The following PDE8B variants were observed in gnomAD, a reference collection of about 807,000 sequenced individuals.
PDE8B encodes the protein phosphodiesterase 8B.
A neutral mutation model predicts 101.3 loss-of-function variants in PDE8B; 26 were observed. The observed-to-expected ratio is 0.26, with a 90% CI of 0.19 to 0.36. The LOEUF is 0.36. PDE8B is among the 10% of genes least tolerant of loss of function. PDE8B has a pLI of 1.00. For missense variants in PDE8B, 810 were observed against 1,163.1 expected, an observed-to-expected ratio of 0.70 and a Z score of 4.42; for synonymous variants, 424 against 429.3, an observed-to-expected ratio of 0.99 and a Z score of 0.15.
chr5:77,178,505 T>C, the PDE8B span, among the ~76,000 whole-genome samples: 54 of 152,340 alleles, frequency 3.5e-4, no homozygotes, highest in Non-Finnish European at 6.0e-4. Context: ...TGTGAAATAA[T>C]GATAGATCAT....
At chr5:77,244,500 C>T (rs1458306645) in intron 1 of PDE8B, among the ~76,000 whole-genome samples, 1 of 151,742 alleles carries the variant, frequency 6.6e-6, no homozygotes, top group Non-Finnish European at 1.5e-5. Flanking sequence ...GCCATAGAGG[C>T]AAGCTTCTTA....
the PDE8B span, among the ~76,000 whole-genome samples, chr5:77,130,748 G>T: frequency 6.6e-6 from 1 of 152,214 alleles, no homozygotes; most frequent in Non-Finnish European, 1.5e-5. Flanking sequence ...TTTTACATGA[G>T]TTGGGTTACG....
chr5:77,287,978 C>A (rs1766409730), intron 1 of PDE8B, among the ~76,000 whole-genome samples: 1 of 152,058 alleles, frequency 6.6e-6, no homozygotes, highest in Non-Finnish European at 1.5e-5. Flanking sequence ...TCCCTTATAA[C>A]TGCTTATTTC....
At chr5:77,192,410 A>G in the PDE8B span, among the ~76,000 whole-genome samples, 2 of 152,050 alleles carry the variant, frequency 1.3e-5, no homozygotes, top group African/African-American at 4.8e-5. Flanking sequence ...TTAGAGTTTC[A>G]TGTCAATAAG....
chr5:77,246,445 G>A (rs1482686865), intron 1 of PDE8B, among the ~76,000 whole-genome samples: 3 of 152,152 alleles, frequency 2.0e-5, no homozygotes, highest in Non-Finnish European at 4.4e-5. Flanking sequence ...TGAGGTACCG[G>A]TCTGGCTCAC....
chr5:77,228,976 G>A (rs549381105), intron 1 of PDE8B, among the ~76,000 whole-genome samples: 4 of 152,152 alleles, frequency 2.6e-5, no homozygotes, highest in African/African-American at 7.2e-5. Flanking sequence ...GAGATAGAAC[G>A]GTCTGGAATG....
At chr5:77,191,212 A>G in the PDE8B span, among the ~76,000 whole-genome samples, 12 of 148,122 alleles carry the variant, frequency 8.1e-5, no homozygotes, top group African/African-American at 2.5e-4. Context: ...TCAAGGCCCT[A>G]TCTTCAAATA....
chr5:77,383,043 C>T (rs1032622663), intron 10 of PDE8B, among the ~76,000 whole-genome samples: 2 of 152,234 alleles, frequency 1.3e-5, no homozygotes, highest in African/African-American at 4.8e-5. Flanking sequence ...AACTAGTTTA[C>T]AGTCCCACCA....
the PDE8B span, among the ~76,000 whole-genome samples, chr5:77,205,197 T>C: frequency 1.3e-5 from 2 of 152,202 alleles, no homozygotes; most frequent in African/African-American, 4.8e-5. Flanking sequence ...AGATGTTGGC[T>C]GACTCTCCTC....
chr5:77,142,080 T>C, the PDE8B span: 1 of 152,230 alleles, frequency 6.6e-6, no homozygotes, highest in African/African-American at 2.4e-5. Flanking sequence ...ATATTAAGAC[T>C]ATATATGTAT....
intron 10 of PDE8B, among the ~76,000 whole-genome samples, chr5:77,383,052 C>T (rs1787822714): frequency 6.6e-6 from 1 of 152,186 alleles, no homozygotes; most frequent in African/African-American, 2.4e-5. Flanking sequence ...ACAGTCCCAC[C>T]AACAGTGTAA....
At chr5:77,145,028 A>G in the PDE8B span, 1 of 152,152 alleles carries the variant, frequency 6.6e-6, no homozygotes, top group South Asian at 2.1e-4. Flanking sequence ...CAAATGTGAC[A>G]TTTTCCAAAT....
At chr5:77,423,331 G>A (rs1371570395) in intron 20 of PDE8B, among the ~76,000 whole-genome samples, 6 of 152,168 alleles carry the variant, frequency 3.9e-5, no homozygotes, top group Non-Finnish European at 8.8e-5. Context: ...TGCAAGTACA[G>A]GTGTCTCTTC....
intron 10 of PDE8B, among the ~76,000 whole-genome samples, chr5:77,378,019 C>CT (rs1209598253): frequency 8.1e-6 from 1 of 124,188 alleles, no homozygotes; most frequent in African/African-American, 3.3e-5. Flanking sequence ...TACACACACA[C>CT]ACACACACAC....
chr5:77,109,927 G>GTTTCT, the PDE8B span, among the ~76,000 whole-genome samples: 1 of 67,234 alleles, frequency 1.5e-5, no homozygotes, highest in Non-Finnish European at 2.6e-5. Flanking sequence ...TTGTATTTCA[G>GTTTCT]TTTTTTTTTT....
chr5:77,162,735 A>C, the PDE8B span, among the ~76,000 whole-genome samples: 1 of 152,222 alleles, frequency 6.6e-6, no homozygotes, highest in African/African-American at 2.4e-5. Flanking sequence ...ATTAAAGCTA[A>C]TGGCAAGCTA....
intron 7 of PDE8B, among the ~76,000 whole-genome samples, chr5:77,346,841 A>G (rs73764803): frequency 0.034 from 5,173 of 152,318 alleles, 276 homozygotes; most frequent in African/African-American, 0.12. Context: ...AGAGGATGTT[A>G]TATGTATGGT....
intron 2 of PDE8B, among the ~76,000 whole-genome samples, chr5:77,313,683 G>C (rs1773174740): frequency 6.6e-6 from 1 of 152,174 alleles, no homozygotes; most frequent in Non-Finnish European, 1.5e-5. Context: ...AGGTGCATGT[G>C]TGTACCAACA....
intron 1 of PDE8B, among the ~76,000 whole-genome samples, chr5:77,253,924 TATAA>T (rs1461416743): frequency 4.6e-5 from 7 of 151,746 alleles, no homozygotes; most frequent in Admixed American, 2.0e-4. Flanking sequence ...TATTTATATA[TATAA>T]ATATGTAACT....
Sources: gnomAD v4.1 joint callset for allele counts (sites outside exome capture counted in the v4.1 genomes callset) on GRCh38, gnomAD v4.1.1 for gene constraint, MANE v1.5 for transcripts, NCBI Gene and HGNC (gene_info 2026-07-23, HGNC 2026-07-21) for gene names.